STAT4: variants seen among roughly 807,000 people sequenced by gnomAD.
STAT4 encodes signal transducer and activator of transcription 4.
In STAT4, 42 loss-of-function variants were observed where a neutral mutation model predicts 110.5. That is an observed-to-expected ratio of 0.38 (90% confidence interval 0.30 to 0.49). STAT4 has a LOEUF of 0.49. STAT4 is among the 20% of genes least tolerant of loss of function. STAT4 has a pLI of 0.95. For synonymous variants in STAT4, 284 were observed against 302.2 expected, an observed-to-expected ratio of 0.94 and a Z score of 0.63; for missense variants, 632 against 887.9, an observed-to-expected ratio of 0.71 and a Z score of 3.66.
intron 3 of STAT4, among the ~76,000 whole-genome samples, chr2:191,124,140 TAACTC>T (rs1324057751): frequency 2.0e-5 from 3 of 152,162 alleles, no homozygotes; most frequent in African/African-American, 4.8e-5. Context: ...TTTTCAATGT[TAACTC>T]AACTTCTCAT....
intron 3 of STAT4, among the ~76,000 whole-genome samples, chr2:191,141,354 C>G (rs1231618159): frequency 6.7e-6 from 1 of 150,318 alleles, no homozygotes; most frequent in Non-Finnish European, 1.5e-5. Flanking sequence ...TCATCTTACC[C>G]CCGTTAAAAT....
At chr2:191,052,831 G>A (rs375454536) in intron 14 of STAT4, among the ~76,000 whole-genome samples, 1 of 152,236 alleles carries the variant, frequency 6.6e-6, no homozygotes, top group East Asian at 1.9e-4. Context: ...AACCTTTATG[G>A]GTTTCTATAA....
intron 14 of STAT4, among the ~76,000 whole-genome samples, chr2:191,054,018 C>T (rs1696602211): frequency 6.6e-6 from 1 of 151,318 alleles, no homozygotes; most frequent in Non-Finnish European, 1.5e-5. Flanking sequence ...GTCCCAGCTA[C>T]TTGCAAGGCT....
Position 191,069,630 on chromosome 2 carries a change from G to C in STAT4, c.544+63C>G, listed in dbSNP as rs3024842. 899 of 1,272,434 alleles carry C rather than the reference G, an allele frequency of 7.1e-4. 1 individual carries two copies. In the African/African-American group the frequency reaches 0.012, roughly 17 times the overall value. The allele number at this position is 1,272,434 out of a possible 1,614,324, so 78.8% of individuals were successfully genotyped here. On this transcript the variant is annotated intron_variant, in intron 6 of 23. Transcript: ENST00000392320. ...TCAAATTTATCCACTCTGTCAGTGA[G>C]AAAACTCTACTCAAGATGCCTTTTT...
upstream of STAT4, chr2:191,151,167 G>A (rs1253518478): frequency 3.0e-6 from 3 of 985,442 alleles, no homozygotes; most frequent in Non-Finnish European, 3.6e-6. The surrounding 1 kb of genome is among the most constrained non-coding windows in gnomAD (Gnocchi z 4.7). Flanking sequence ...CGCAGAAACT[G>A]CCAGGCTGGA....
At chr2:191,132,304 T>C (rs1280188433) in intron 3 of STAT4, among the ~76,000 whole-genome samples, 1 of 151,718 alleles carries the variant, frequency 6.6e-6, no homozygotes, top group Non-Finnish European at 1.5e-5. Context: ...TGTCTACAAA[T>C]AGTTGAGAGA....
chr2:191,084,445 T>C (rs1021579899), intron 3 of STAT4, among the ~76,000 whole-genome samples: 2 of 152,106 alleles, frequency 1.3e-5, no homozygotes, highest in African/African-American at 4.8e-5. Flanking sequence ...AAAAATGAGT[T>C]ATTAAGAATT....
At chr2:191,121,630 A>G (rs1292412586) in intron 3 of STAT4, among the ~76,000 whole-genome samples, 2 of 152,138 alleles carry the variant, frequency 1.3e-5, no homozygotes, top group Non-Finnish European at 2.9e-5. Flanking sequence ...AGGGACATGG[A>G]TGAAGCTGGA....
rs1190209044 is a variant in STAT4 at position 191,041,107 on chromosome 2, A to G, written c.1293T>C (p.Phe431=). ...MVTEELHSIT[F]ETQICLYGLT... Reference sequence around the variant, plus strand: ...GGCCATAGAGGCAGATCTGTGTTTCAAACGTTATGGAATGAAGTTCTTCAG... The same window carrying G: ...GGCCATAGAGGCAGATCTGTGTTTCGAACGTTATGGAATGAAGTTCTTCAG... Residue 431 remains phenylalanine (F), a synonymous_variant, in exon 15 of 24, where the codon TTT becomes TTC. Transcript: ENST00000392320. The G allele has an allele frequency of 1.3e-6, 2 of 1,497,990 alleles. No homozygotes were observed. Among genetic ancestry groups the G allele is most frequent in the Non-Finnish European group, 1.8e-6 (2 of 1,119,322 alleles). The allele number at this position is 1,497,990 out of a possible 1,614,324, so 92.8% of individuals were successfully genotyped here. A position where few individuals can be genotyped will look rare whatever the true frequency, so the allele number is the denominator to read the frequency against.
Position 191,033,614 on chromosome 2 carries a change from G to T in STAT4, c.1728C>A (p.Gly576=). 1 of 1,612,222 alleles carries T rather than the reference G, an allele frequency of 6.2e-7. No homozygotes were observed. The highest frequency in any genetic ancestry group is 8.5e-7 in the Non-Finnish European group (1 of 1,179,542). The change falls in exon 20 of 24, where the codon GGC becomes GGA. Residue 576 remains glycine (G), a synonymous_variant. Transcript: ENST00000392320. This position sits in a 1 kb window ranked among gnomAD's most constrained non-coding sequence, Gnocchi z 6.9. Reference sequence around the variant, plus strand: ...GCCGTTCCTTCTCTTTGCTAACAAAGCCCATGACATACCTAAAAATAGAAC... The same window carrying T: ...GCCGTTCCTTCTCTTTGCTAACAAATCCCATGACATACCTAAAAATAGAAC... ...LPLWIDGYVM[G]FVSKEKERLL...
intron 3 of STAT4, among the ~76,000 whole-genome samples, chr2:191,080,884 G>A (rs925124718): frequency 6.6e-6 from 1 of 152,002 alleles, no homozygotes; most frequent in Admixed American, 6.6e-5. Flanking sequence ...TAAGTTCTGG[G>A]ATACATGTGC....
At chr2:191,115,041 A>G (rs1223192258) in intron 3 of STAT4, among the ~76,000 whole-genome samples, 2 of 151,444 alleles carry the variant, frequency 1.3e-5, no homozygotes, top group African/African-American at 4.9e-5. Context: ...GATTTTTTTT[A>G]CAACAAGTAT....
chr2:191,092,222 G>T (rs769778847), intron 3 of STAT4, among the ~76,000 whole-genome samples: 18 of 152,042 alleles, frequency 1.2e-4, no homozygotes, highest in Admixed American at 2.0e-4. Context: ...TAACCAACAT[G>T]GTGAAACCCT....
intron 3 of STAT4, among the ~76,000 whole-genome samples, chr2:191,129,225 A>G (rs1698964754): frequency 6.6e-6 from 1 of 152,184 alleles, no homozygotes; most frequent in Admixed American, 6.5e-5. Flanking sequence ...ATAAAAATAA[A>G]AGCATGCAAT....
chr2:191,143,657 C>T lies in STAT4; in HGVS notation c.273+2956G>A, dbSNP rs1213616249. Among the ~76,000 whole-genome samples, 1 of 152,188 alleles carries T rather than the reference C, an allele frequency of 6.6e-6. No individual in the cohort carries two copies. Among genetic ancestry groups the T allele is most frequent in the Non-Finnish European group, 1.5e-5 (1 of 68,034 alleles). ...AGAACCAAAATAAATCTACCTTATA[C>T]ATCCCTTAGTTCCCCAGGTATCATA... On this transcript the variant is annotated intron_variant, in intron 3 of 23. Coordinates refer to ENST00000392320, the MANE Select transcript of STAT4 (RefSeq NM_003151.4). This position sits in a 1 kb window ranked among gnomAD's most constrained non-coding sequence, Gnocchi z 5.6.
In STAT4 at chr2:191,051,353, C is replaced by T. The variant is rs1034981039; in HGVS notation, c.1251+3137G>A. On this transcript the variant is annotated intron_variant, in intron 14 of 23. Coordinates refer to ENST00000392320, the MANE Select transcript of STAT4 (RefSeq NM_003151.4). This position sits in a 1 kb window ranked among gnomAD's most constrained non-coding sequence, Gnocchi z 5.6. Reference sequence around the variant, plus strand: ...GTAAATGCCATCACCAACATCTACACAGCCCACCACCACTGACTCACACAC... The same window carrying T: ...GTAAATGCCATCACCAACATCTACATAGCCCACCACCACTGACTCACACAC... Among the ~76,000 whole-genome samples the T allele has an allele frequency of 2.0e-5, 3 of 152,236 alleles. No homozygotes were observed. The highest frequency in any genetic ancestry group is 2.9e-5 in the Non-Finnish European group (2 of 68,032).
intron 3 of STAT4, chr2:191,131,816 A>T: frequency 7.2e-7 from 1 of 1,389,772 alleles, no homozygotes; most frequent in Non-Finnish European, 9.4e-7. Context: ...GAAGAAGCTA[A>T]GTCCTAGGGA....
rs202240985 is a variant in STAT4 at position 191,144,140 on chromosome 2, AG to A, written c.273+2472del. 0.01 allele frequency among the ~76,000 whole-genome samples: 1,565 copies of A among 152,092 alleles called. 27 individuals are homozygous for A. Among genetic ancestry groups the A allele is most frequent in the African/African-American group, 0.036 (1,480 of 41,492 alleles). Reference sequence around the variant, plus strand: ...CCATATTGAGTACTGAGGGTGAGGGAGGGGGGTCAGAAAAGGAGATCAGCCT... The same window carrying A: ...CCATATTGAGTACTGAGGGTGAGGGAGGGGGTCAGAAAAGGAGATCAGCCT... On this transcript the variant is annotated intron_variant, in intron 3 of 23. Coordinates refer to ENST00000392320, the MANE Select transcript of STAT4 (RefSeq NM_003151.4). The surrounding 1 kb of genome is among the most constrained non-coding windows in gnomAD (Gnocchi z 4.7).
chr2:191,063,413 A>G (rs558402440), intron 8 of STAT4, among the ~76,000 whole-genome samples: 2 of 152,356 alleles, frequency 1.3e-5, no homozygotes, highest in African/African-American at 4.8e-5. Flanking sequence ...ACTAGCCAAA[A>G]GTGATCAATG....
Sources: gnomAD v4.1 joint callset for allele counts (sites outside exome capture counted in the v4.1 genomes callset) on GRCh38, gnomAD v4.1.1 for gene constraint, Gnocchi (gnomAD v3.1) non-coding constraint, MANE v1.5 for transcripts, NCBI Gene and HGNC (gene_info 2026-07-23, HGNC 2026-07-21) for gene names.